Variants in PRKCE observed in about 807,000 individuals in gnomAD.
PRKCE encodes the protein protein kinase C epsilon, also known as protein kinase C epsilon type.
A neutral mutation model predicts 85.4 loss-of-function variants in PRKCE; 16 were observed. The ratio of observed to expected loss-of-function variants is 0.19; its 90% CI spans 0.13 to 0.28. The LOEUF (loss-of-function observed/expected upper bound fraction) is 0.28. PRKCE is among the 10% of genes least tolerant of loss of function. PRKCE has a pLI of 1.00. For missense variants in PRKCE, 573 were observed against 975.2 expected (o/e 0.59, Z 5.49); for synonymous variants, 388 against 371.5 (o/e 1.04, Z -0.51).
chr2:46,038,724 G>A (rs182154657), intron 10 of PRKCE, among the ~76,000 whole-genome samples: 65 of 149,772 alleles, frequency 4.3e-4, no homozygotes, highest in African/African-American at 1.3e-3. Flanking sequence ...ATTTCCTTGC[G>A]AATGACCATC....
chr2:46,012,310 T>C (rs1438702602), intron 10 of PRKCE, among the ~76,000 whole-genome samples: 2 of 152,098 alleles, frequency 1.3e-5, no homozygotes, highest in Non-Finnish European at 2.9e-5. Context: ...TTTTCCTTTT[T>C]TTTTTTCTTT....
intron 1 of PRKCE, among the ~76,000 whole-genome samples, chr2:45,746,006 C>T (rs566892461): frequency 7.9e-5 from 12 of 152,270 alleles, no homozygotes; most frequent in South Asian, 2.1e-4. Context: ...AATTATCACA[C>T]GCCTACAAGT....
intron 14 of PRKCE, among the ~76,000 whole-genome samples, chr2:46,181,251 A>T (rs1679948416): frequency 6.6e-6 from 1 of 152,172 alleles, no homozygotes. Context: ...TTTCCCAGAG[A>T]TGTTTGCTTT....
chr2:45,653,216 A>G (rs1233099248), intron 1 of PRKCE, among the ~76,000 whole-genome samples: 1 of 152,098 alleles, frequency 6.6e-6, no homozygotes, highest in Admixed American at 6.5e-5. Flanking sequence ...TAAGTATGAG[A>G]TTGAGTTGTT....
At chr2:45,814,563 A>T (rs776745072) in intron 1 of PRKCE, among the ~76,000 whole-genome samples, 9 of 152,224 alleles carry the variant, frequency 5.9e-5, no homozygotes, top group Admixed American at 2.0e-4. Context: ...TGGACAAAAT[A>T]TGTACTTGTA....
At chr2:46,021,336 G>A (rs1406892398) in intron 10 of PRKCE, among the ~76,000 whole-genome samples, 1 of 152,164 alleles carries the variant, frequency 6.6e-6, no homozygotes, top group African/African-American at 2.4e-5. Flanking sequence ...GGGAAATGAT[G>A]ACTTAAATCA....
chr2:45,996,436 G>A (rs529283905), intron 6 of PRKCE, among the ~76,000 whole-genome samples: 1 of 152,046 alleles, frequency 6.6e-6, no homozygotes, highest in Non-Finnish European at 1.5e-5. Context: ...TCCTTTTTGT[G>A]TTCCTGATCT....
intron 1 of PRKCE, among the ~76,000 whole-genome samples, chr2:45,735,738 A>G (rs1385615480): frequency 6.6e-6 from 1 of 152,226 alleles, no homozygotes; most frequent in African/African-American, 2.4e-5. Flanking sequence ...CTGAAGGTGC[A>G]CATGGGAATG....
intron 1 of PRKCE, among the ~76,000 whole-genome samples, chr2:45,708,086 G>C (rs1335006057): frequency 6.6e-6 from 1 of 152,192 alleles, no homozygotes; most frequent in African/African-American, 2.4e-5. Context: ...GTGAGCTCCT[G>C]ATCTACTACC....
At chr2:45,804,683 C>A (rs1261881981) in intron 1 of PRKCE, among the ~76,000 whole-genome samples, 2 of 152,156 alleles carry the variant, frequency 1.3e-5, no homozygotes, top group Non-Finnish European at 2.9e-5. Flanking sequence ...AACAATTCAA[C>A]TATAATTGAG....
At chr2:46,077,708 C>G (rs1014651013) in intron 10 of PRKCE, among the ~76,000 whole-genome samples, 1 of 152,160 alleles carries the variant, frequency 6.6e-6, no homozygotes. Flanking sequence ...GGAACATTGA[C>G]ATCACTAAAA....
chr2:46,092,781 T>G (rs754743901), intron 11 of PRKCE, among the ~76,000 whole-genome samples: 1 of 152,202 alleles, frequency 6.6e-6, no homozygotes, highest in Non-Finnish European at 1.5e-5. Context: ...ATTTTAGTCC[T>G]GCCATCCTGC....
Position 45,774,270 on chromosome 2 carries a change from C to T in PRKCE, c.349-68730C>T, listed in dbSNP as rs1230936623. On this transcript the variant is annotated intron_variant, in intron 1 of 14. Transcript: ENST00000306156. The surrounding 1 kb of genome is among the most constrained non-coding windows in gnomAD (Gnocchi z 4.3). ...CCTCTCTCAGCAGCTGCTTCACAGC[C>T]TCACGGGAGGTGATCGGACACCAGC... Among the ~76,000 whole-genome samples, 9 of 152,190 alleles carry T rather than the reference C, an allele frequency of 5.9e-5. No homozygotes were observed. The highest frequency in any genetic ancestry group is 5.9e-4 in the Admixed American group (9 of 15,294).
intron 2 of PRKCE, among the ~76,000 whole-genome samples, chr2:45,889,232 G>A (rs1695530271): frequency 6.6e-6 from 1 of 152,162 alleles, no homozygotes; most frequent in Non-Finnish European, 1.5e-5. Context: ...AGAGCTGACA[G>A]CTGCAGTGGT....
chr2:45,980,337 A>G lies in PRKCE; in HGVS notation c.649A>G (p.Ile217Val), dbSNP rs1466676036. The G allele has an allele frequency of 1.9e-6, 3 of 1,599,688 alleles. No homozygotes were observed. The highest frequency in any genetic ancestry group is 2.5e-6 in the Non-Finnish European group (3 of 1,179,952). ...CCACAAGCGGTGCCACGAGCTCATA[A>G]TCACAAAGTGTGCTGGGTTAAAGAA... ...VVHKRCHELI[I>V]TKCAGLKKQE... Residue 217 changes from isoleucine (I) to valine (V), a missense_variant, in exon 5 of 15, where the codon ATC (isoleucine) becomes GTC (valine). Ile to Val is a conservative substitution (Grantham distance 29, BLOSUM62 3). Around this residue, in one of 11 missense-constraint regions of PRKCE, gnomAD observed 29 missense variants for 96.2 expected, o/e 0.30. Transcript: ENST00000306156.
At chr2:46,162,544 G>C (rs144122051) in intron 14 of PRKCE, among the ~76,000 whole-genome samples, 102 of 152,236 alleles carry the variant, frequency 6.7e-4, no homozygotes, top group Admixed American at 1.2e-3. Flanking sequence ...TGCTGTGGAG[G>C]GGGGCGGGGT....
intron 11 of PRKCE, among the ~76,000 whole-genome samples, chr2:46,131,769 G>T (rs1057123860): frequency 3.9e-5 from 6 of 152,204 alleles, no homozygotes; most frequent in African/African-American, 1.2e-4. Context: ...TTGAAAAAGG[G>T]CATGTCTCCC....
intron 1 of PRKCE, among the ~76,000 whole-genome samples, chr2:45,703,940 CA>C (rs1372518211): frequency 2.6e-5 from 4 of 152,194 alleles, no homozygotes; most frequent in African/African-American, 9.7e-5. Flanking sequence ...CTCCAAATAG[CA>C]AATGGGTAGA....
chr2:45,733,132 G>A (rs1486384942), intron 1 of PRKCE, among the ~76,000 whole-genome samples: 1 of 152,150 alleles, frequency 6.6e-6, no homozygotes, highest in Non-Finnish European at 1.5e-5. Flanking sequence ...TGTGGCTTAG[G>A]GCTTGAGAGT....
Sources: allele counts gnomAD v4.1 joint callset (sites outside exome capture counted in the v4.1 genomes callset), GRCh38; gene constraint gnomAD v4.1.1; regional missense constraint gnomAD v4.1.1; non-coding constraint Gnocchi (gnomAD v3.1); transcripts MANE v1.5; gene names NCBI Gene and HGNC (gene_info 2026-07-23, HGNC 2026-07-21).